Variants in ZFPM2 observed in about 807,000 individuals in gnomAD.
ZFPM2 encodes the protein zinc finger protein, FOG family member 2, also known as zinc finger protein ZFPM2.
ZFPM2 carries 20 observed loss-of-function variants against 98.6 expected under a neutral mutation model. The ratio of observed to expected loss-of-function variants is 0.20; its 90% CI spans 0.14 to 0.29. The LOEUF (loss-of-function observed/expected upper bound fraction) is 0.29, where lower values mean the gene tolerates loss of function less well. Among genes scored for constraint, ZFPM2 ranks in the 10% least tolerant of loss-of-function variants. The pLI, the probability that ZFPM2 is intolerant of heterozygous loss-of-function variation, is 1.00. For synonymous variants in ZFPM2, 518 were observed against 502.7 expected (o/e 1.03, Z -0.41); for missense variants, 1,310 against 1,388.6 (o/e 0.94, Z 0.90).
intron 2 of ZFPM2, 103 bp from the exon 3 acceptor site, chr8:105,444,177 C>A: frequency 4.7e-6 from 4 of 858,216 alleles, no homozygotes; most frequent in Admixed American, 4.2e-5. Context: ...GTATAACAAA[C>A]CTGTAATTAG....
At chr8:105,566,945 C>T (rs1815255433) in intron 4 of ZFPM2, among the ~76,000 whole-genome samples, 1 of 151,826 alleles carries the variant, frequency 6.6e-6, no homozygotes, top group African/African-American at 2.4e-5. Context: ...ATATAAAGGG[C>T]ACTATAGATA....
At chr8:105,735,220 CAAAGA>C (rs1812041044) in intron 5 of ZFPM2, among the ~76,000 whole-genome samples, 1 of 150,042 alleles carries the variant, frequency 6.7e-6, no homozygotes, top group Non-Finnish European at 1.5e-5. Flanking sequence ...GCTGCTGTAA[CAAAGA>C]ATAGAAAATG....
intron 4 of ZFPM2, among the ~76,000 whole-genome samples, chr8:105,579,782 A>C (rs1815548361): frequency 6.6e-6 from 1 of 152,100 alleles, no homozygotes; most frequent in South Asian, 2.1e-4. Context: ...GTTTCTTTCC[A>C]CAAACTGATA....
chr8:105,788,405 T>C lies in ZFPM2; in HGVS notation c.533-313T>C, dbSNP rs150075099. Among the ~76,000 whole-genome samples the C allele has an allele frequency of 5.9e-5, 9 of 152,340 alleles. No individual in the cohort carries two copies. The East Asian group carries it at 1.5e-3, about 26-fold the overall frequency. Reference sequence around the variant, plus strand: ...CTGGTTTTTAGGTACTGTCTCAATCTACTGGTAAGGTTACTGATTCAGGCA... The same window carrying C: ...CTGGTTTTTAGGTACTGTCTCAATCCACTGGTAAGGTTACTGATTCAGGCA... On this transcript the variant is annotated intron_variant, in intron 5 of 7. Coordinates refer to ENST00000407775, the MANE Select transcript of ZFPM2 (RefSeq NM_012082.4).
intron 5 of ZFPM2, among the ~76,000 whole-genome samples, chr8:105,677,868 G>A (rs142515003): frequency 8.5e-4 from 130 of 152,230 alleles, no homozygotes; most frequent in African/African-American, 2.9e-3. Context: ...AACAAAATGT[G>A]TTTTGAGGTA....
intron 6 of ZFPM2, among the ~76,000 whole-genome samples, chr8:105,790,411 A>G (rs919905961): frequency 8.5e-5 from 13 of 152,124 alleles, no homozygotes; most frequent in South Asian, 8.3e-4. Flanking sequence ...GATATGCGGC[A>G]TTATTTCTGA....
chr8:105,597,390 T>G (rs1335374380), intron 4 of ZFPM2, among the ~76,000 whole-genome samples: 2 of 152,108 alleles, frequency 1.3e-5, no homozygotes, highest in Non-Finnish European at 2.9e-5. Context: ...TTCAAATATT[T>G]GACATTTATG....
At chr8:105,391,656 C>G (rs1255712958) in intron 1 of ZFPM2, among the ~76,000 whole-genome samples, 1 of 152,224 alleles carries the variant, frequency 6.6e-6, no homozygotes, top group Admixed American at 6.5e-5. Context: ...GATTCTATCT[C>G]TAGCAACTAC....
At chr8:105,485,009 T>G (rs1006728624) in intron 3 of ZFPM2, among the ~76,000 whole-genome samples, 4 of 152,194 alleles carry the variant, frequency 2.6e-5, no homozygotes, top group African/African-American at 9.7e-5. Context: ...CTGACATTCT[T>G]TCAGGAAGAA....
chr8:105,768,564 C>A (rs1244080577), intron 5 of ZFPM2, among the ~76,000 whole-genome samples: 1 of 151,952 alleles, frequency 6.6e-6, no homozygotes, highest in Non-Finnish European at 1.5e-5. Flanking sequence ...GCTTGTTAGA[C>A]TGCTGACTTG....
At chr8:105,445,982 A>G (rs1272301854) in intron 3 of ZFPM2, among the ~76,000 whole-genome samples, 5 of 151,172 alleles carry the variant, frequency 3.3e-5, no homozygotes, top group Admixed American at 2.0e-4. Flanking sequence ...GTGCAGTGGC[A>G]TGATCTCGGC....
chr8:105,700,594 G>T (rs1463321423), intron 5 of ZFPM2, among the ~76,000 whole-genome samples: 1 of 131,388 alleles, frequency 7.6e-6, no homozygotes, highest in Non-Finnish European at 1.7e-5. Context: ...TTGTTTGATT[G>T]TTTGTTTGTT....
At chr8:105,558,942 C>G (rs1326207140) in intron 3 of ZFPM2, among the ~76,000 whole-genome samples, 24 of 151,884 alleles carry the variant, frequency 1.6e-4, no homozygotes, top group Admixed American at 1.6e-3. Context: ...ACTGAGAACT[C>G]CTAGCCAATA....
Position 105,377,527 on chromosome 8 carries a change from C to T in ZFPM2, c.41-41617C>T, listed in dbSNP as rs945001008. On this transcript the variant is annotated intron_variant, in intron 1 of 7. Transcript: ENST00000407775. ...CTGTAATCCCAGCACTTTGGGAGGC[C>T]GAGGTGGAAGGATCACTTGAGGCCA... 1.8e-4 allele frequency among the ~76,000 whole-genome samples: 27 copies of T among 146,770 alleles called. 1 individual carries two copies. Among genetic ancestry groups the T allele is most frequent in the Admixed American group, 1.6e-3 (23 of 14,000 alleles).
In ZFPM2 at chr8:105,801,097, G is replaced by C. The variant is rs201845067; in HGVS notation, c.1015G>C (p.Val339Leu). The change falls in exon 8 of 8, where the codon GTC becomes CTC. Residue 339 changes from valine (V) to leucine (L), a missense_variant. Transcript: ENST00000407775. The stretch of plus-strand genomic sequence containing the variant: ...CCCTGGTGCTAGTCTAAAATGCACC[G>C]TCTGTAGCTACACTGCTGATTCCGT... ...LPPGASLKCT[V>L]CSYTADSVIN... 7 of 1,613,900 alleles carry C rather than the reference G, an allele frequency of 4.3e-6. No individual in the cohort carries two copies. The East Asian group carries it at 1.6e-4, about 36-fold the overall frequency.
intron 5 of ZFPM2, among the ~76,000 whole-genome samples, chr8:105,686,636 A>G (rs1810742765): frequency 6.6e-6 from 1 of 152,158 alleles, no homozygotes; most frequent in African/African-American, 2.4e-5. Context: ...ATTATATAGT[A>G]CAATGTATAG....
chr8:105,708,261 T>C (rs1323914254), intron 5 of ZFPM2, among the ~76,000 whole-genome samples: 4 of 152,190 alleles, frequency 2.6e-5, no homozygotes, highest in Middle Eastern at 3.2e-3. Context: ...AATTATGAAA[T>C]ATGAAAAATT....
intron 3 of ZFPM2, among the ~76,000 whole-genome samples, chr8:105,530,311 T>C (rs1478407062): frequency 1.3e-5 from 2 of 152,148 alleles, no homozygotes; most frequent in Non-Finnish European, 1.5e-5. Flanking sequence ...CTGGCAACAG[T>C]CTGATGTTCT....
At chr8:105,606,918 A>C (rs1816208578) in intron 4 of ZFPM2, among the ~76,000 whole-genome samples, 1 of 152,096 alleles carries the variant, frequency 6.6e-6, no homozygotes, top group African/African-American at 2.4e-5. Flanking sequence ...TTTGGTGGAG[A>C]GGAGAAAATA....
Sources: allele counts gnomAD v4.1 joint callset (sites outside exome capture counted in the v4.1 genomes callset), GRCh38; gene constraint gnomAD v4.1.1; transcripts MANE v1.5; gene names NCBI Gene and HGNC (gene_info 2026-07-23, HGNC 2026-07-21).